RPS6KA2: variants seen among roughly 807,000 people sequenced by gnomAD.
The protein encoded by RPS6KA2 is ribosomal protein S6 kinase A2.
A neutral mutation model predicts 91.8 loss-of-function variants in RPS6KA2; 42 were observed. The ratio of observed to expected loss-of-function variants is 0.46; its 90% confidence interval spans 0.36 to 0.59. RPS6KA2 has a LOEUF of 0.59. Among genes scored for constraint, RPS6KA2 ranks in the 20% least tolerant of loss-of-function variants. The probability of loss-of-function intolerance (pLI) is 0.00; values close to 1 mark genes in which losing one functional copy is unlikely to be tolerated. For synonymous variants in RPS6KA2, 414 were observed against 393.6 expected (o/e 1.05, Z -0.61); for missense variants, 798 against 978.5 (o/e 0.82, Z 2.46).
At chr6:166,568,783 C>T (rs1583287616) in intron 1 of RPS6KA2, among the ~76,000 whole-genome samples, 2 of 152,168 alleles carry the variant, frequency 1.3e-5, no homozygotes, top group Admixed American at 6.5e-5. Context: ...AGCTAGTGAC[C>T]AGCACAGGCC....
At chr6:166,537,620 A>G (rs1783523178) in intron 2 of RPS6KA2, among the ~76,000 whole-genome samples, 1 of 151,998 alleles carries the variant, frequency 6.6e-6, no homozygotes, top group Admixed American at 6.6e-5. Flanking sequence ...GTTCATGCGG[A>G]CTGTAGGATT....
intron 2 of RPS6KA2, among the ~76,000 whole-genome samples, chr6:166,748,238 T>C (rs11758967): frequency 0.21 from 31,951 of 152,048 alleles, 3,571 homozygotes; most frequent in Non-Finnish European, 0.25. Context: ...GAGGGCGGGA[T>C]GAGGGCAGCC....
At chr6:166,517,554 C>A (rs543678971) in intron 3 of RPS6KA2, among the ~76,000 whole-genome samples, 197 of 146,536 alleles carry the variant, frequency 1.3e-3, no homozygotes, top group Non-Finnish European at 2.6e-3. Flanking sequence ...CGGCTCACTG[C>A]AAGCTCCTCT....
chr6:166,837,987 T>G (rs1780365162), intron 2 of RPS6KA2, among the ~76,000 whole-genome samples: 1 of 152,256 alleles, frequency 6.6e-6, no homozygotes, highest in Admixed American at 6.5e-5. Context: ...GACAGTTGGT[T>G]TGACTTCTGT....
chr6:166,828,636 A>G (rs1244330245), intron 2 of RPS6KA2, among the ~76,000 whole-genome samples: 5 of 152,258 alleles, frequency 3.3e-5, no homozygotes, highest in Admixed American at 3.3e-4. Flanking sequence ...ATGCAAAAGA[A>G]TACAGTTGGA....
intron 2 of RPS6KA2, among the ~76,000 whole-genome samples, chr6:166,801,688 T>C (rs1263676933): frequency 6.6e-6 from 1 of 152,204 alleles, no homozygotes; most frequent in African/African-American, 2.4e-5. Flanking sequence ...TTTGCTATAT[T>C]CAAGTTTTAA....
rs1450127200 is a variant in RPS6KA2 at position 166,767,927 on chromosome 6, C to CT, written c.123+90272dup. The stretch of plus-strand genomic sequence containing the variant: ...CCTTGGGGGTTTTATTTTTCCACGA[C>CT]TGTGGAGTCTGCCTCTGTGTCCCCA... On this transcript the variant is annotated intron_variant, in intron 2 of 21. Coordinates refer to the RPS6KA2 transcript ENST00000503859. This position sits in a 1 kb window ranked among gnomAD's most constrained non-coding sequence, Gnocchi z 4.6. Among the ~76,000 whole-genome samples the CT allele has an allele frequency of 6.6e-6, 1 of 152,196 alleles. No homozygotes were observed. The highest frequency in any genetic ancestry group is 1.5e-5 in the Non-Finnish European group (1 of 68,038).
At position 166,500,805 on chromosome 6, in the gene RPS6KA2, GA is replaced by G; in HGVS notation, c.604+81del. The G allele has an allele frequency of 6.1e-6, 8 of 1,308,424 alleles. No individual in the cohort carries two copies. Among genetic ancestry groups the G allele is most frequent in the Non-Finnish European group, 8.8e-6 (8 of 906,450 alleles). The allele number at this position is 1,308,424 out of a possible 1,614,324, so 81.1% of individuals were successfully genotyped here. On this transcript the variant is annotated intron_variant, in intron 7 of 20. Coordinates refer to ENST00000265678, the MANE Select transcript of RPS6KA2 (RefSeq NM_021135.6). The surrounding 1 kb of genome is among the most constrained non-coding windows in gnomAD (Gnocchi z 4.3). ...GCAAAGGGAAGGGCGGTGTAAATAA[GA>G]GGGCTTGGGCTTTGAGGTGGTCCCC...
intron 2 of RPS6KA2, among the ~76,000 whole-genome samples, chr6:166,691,414 T>G (rs1199424254): frequency 6.6e-6 from 1 of 152,150 alleles, no homozygotes; most frequent in Non-Finnish European, 1.5e-5. Flanking sequence ...ATAACTCTTC[T>G]CGTGTGTCAC....
intron 19 of RPS6KA2, among the ~76,000 whole-genome samples, chr6:166,415,817 TCACCTCTGCCAC>T (rs928747126): frequency 2.5e-4 from 38 of 152,120 alleles, no homozygotes; most frequent in African/African-American, 8.9e-4. Context: ...CCAGCTGCCA[TCACCTCTGCCAC>T]CACCTCCACC....
rs1781540030 is a variant in RPS6KA2, at chr6:166,490,183, C to T, written c.818+488G>A. Among the ~76,000 whole-genome samples the T allele has an allele frequency of 6.6e-6, 1 of 152,140 alleles. No individual in the cohort carries two copies. The highest frequency in any genetic ancestry group is 6.5e-5 in the Admixed American group (1 of 15,278). ...ATGGTAAAACGATACCGAGTCCTGC[C>T]AAGGTCAACCAGGAGTGCTATATGA... is the stretch of plus-strand genomic sequence containing the variant. On this transcript the variant is annotated intron_variant, in intron 9 of 20. Transcript: ENST00000265678. The surrounding 1 kb of genome is among the most constrained non-coding windows in gnomAD (Gnocchi z 4.2).
intron 1 of RPS6KA2, among the ~76,000 whole-genome samples, chr6:166,620,515 C>T (rs1037348622): frequency 6.6e-6 from 1 of 152,128 alleles, no homozygotes; most frequent in African/African-American, 2.4e-5. Context: ...AAGATTAAAC[C>T]ATCATTGTAT....
At chr6:166,578,937 C>T (rs1216067477) in intron 1 of RPS6KA2, among the ~76,000 whole-genome samples, 1 of 152,236 alleles carries the variant, frequency 6.6e-6, no homozygotes, top group Non-Finnish European at 1.5e-5. Context: ...TAAAACCCAC[C>T]TTGACTCAAC....
intron 2 of RPS6KA2, among the ~76,000 whole-genome samples, chr6:166,846,998 C>T (rs1194476913): frequency 6.6e-6 from 1 of 151,990 alleles, no homozygotes; most frequent in African/African-American, 2.4e-5. Context: ...TGTTTGCTGA[C>T]AATACCTAAA....
chr6:166,771,931 C>T (rs923535971), intron 2 of RPS6KA2, among the ~76,000 whole-genome samples: 3 of 152,198 alleles, frequency 2.0e-5, no homozygotes, highest in Non-Finnish European at 4.4e-5. Flanking sequence ...ACTGCGGGTG[C>T]CCATTCTCGC....
intron 2 of RPS6KA2, among the ~76,000 whole-genome samples, chr6:166,652,248 CA>C (rs1296243433): frequency 2.0e-5 from 3 of 152,198 alleles, no homozygotes; most frequent in African/African-American, 7.2e-5. Context: ...AGCATCTCAC[CA>C]AGCACTCGCT....
chr6:166,758,717 C>T (rs1015308772), intron 2 of RPS6KA2, among the ~76,000 whole-genome samples: 1 of 152,134 alleles, frequency 6.6e-6, no homozygotes, highest in Non-Finnish European at 1.5e-5. Flanking sequence ...TGGAAATAAA[C>T]AGATATAAAA....
chr6:166,552,409 C>T (rs1025726826), intron 1 of RPS6KA2, among the ~76,000 whole-genome samples: 4 of 152,270 alleles, frequency 2.6e-5, no homozygotes, highest in Non-Finnish European at 5.9e-5. Context: ...GCCTCACCCA[C>T]ATGATGACAG....
intron 13 of RPS6KA2, 145 bp downstream of exon 13, chr6:166,450,958 G>T (rs974830904): frequency 8.5e-6 from 8 of 943,438 alleles, no homozygotes; most frequent in Non-Finnish European, 1.3e-5. Flanking sequence ...CAGAACAATG[G>T]GAAGTGTGAG....
Sources: gnomAD v4.1 joint callset for allele counts (sites outside exome capture counted in the v4.1 genomes callset) on GRCh38, gnomAD v4.1.1 for gene constraint, Gnocchi (gnomAD v3.1) non-coding constraint, MANE v1.5 for transcripts, NCBI Gene and HGNC (gene_info 2026-07-23, HGNC 2026-07-21) for gene names.